TMEM117: variants seen among roughly 807,000 people sequenced by gnomAD.
TMEM117 encodes transmembrane protein 117.
A neutral mutation model predicts 52.4 loss-of-function variants in TMEM117; 27 were observed. That is an observed-to-expected ratio of 0.51 (90% CI 0.38 to 0.71). The LOEUF (loss-of-function observed/expected upper bound fraction) is 0.71, where lower values mean the gene tolerates loss of function less well. TMEM117 is among the 30% of genes least tolerant of loss of function. TMEM117 has a pLI of 0.00. For synonymous variants in TMEM117, 215 were observed against 206.3 expected (o/e 1.04, Z -0.36); for missense variants, 556 against 630.5 (o/e 0.88, Z 1.26).
At position 44,338,121 on chromosome 12, in the gene TMEM117, C is replaced by T. The variant is rs114472984; in HGVS notation, c.768+38382C>T. 6.0e-3 allele frequency among the ~76,000 whole-genome samples: 912 copies of T among 151,952 alleles called. 11 individuals are homozygous for T. Among genetic ancestry groups the T allele is most frequent in the African/African-American group, 0.02 (825 of 41,360 alleles). ...AAAGCAGAATATTTTTAAAAACAGA[C>T]CTTGACCCTCTCCACAACTGATGAA... On this transcript the variant is annotated intron_variant, in intron 6 of 7. Coordinates refer to ENST00000266534, the MANE Select transcript of TMEM117 (RefSeq NM_032256.3).
At chr12:44,123,883 T>C (rs1395730567) in intron 3 of TMEM117, among the ~76,000 whole-genome samples, 1 of 152,158 alleles carries the variant, frequency 6.6e-6, no homozygotes, top group Non-Finnish European at 1.5e-5. Flanking sequence ...TGGCTAGTCA[T>C]GATCTTTTTT....
intron 4 of TMEM117, among the ~76,000 whole-genome samples, chr12:44,202,775 C>G (rs991006664): frequency 6.7e-6 from 1 of 149,416 alleles, no homozygotes; most frequent in Non-Finnish European, 1.5e-5. Flanking sequence ...TGGTCCAGGA[C>G]TCCTTTGGAA....
chr12:44,251,563 A>AT, intron 5 of TMEM117, among the ~76,000 whole-genome samples: 1 of 152,242 alleles, frequency 6.6e-6, no homozygotes, highest in Non-Finnish European at 1.5e-5. Flanking sequence ...CTAAGGACAC[A>AT]TTTTACAGCT....
intron 3 of TMEM117, among the ~76,000 whole-genome samples, chr12:44,015,614 T>A (rs967420330): frequency 2.6e-5 from 4 of 152,162 alleles, no homozygotes; most frequent in African/African-American, 9.7e-5. Flanking sequence ...CAGGAAGTCC[T>A]CAATTACCGA....
At chr12:44,018,260 A>G (rs1364874292) in intron 3 of TMEM117, among the ~76,000 whole-genome samples, 1 of 152,248 alleles carries the variant, frequency 6.6e-6, no homozygotes, top group African/African-American at 2.4e-5. Flanking sequence ...TGCTGATTGA[A>G]TGAAAAAAGG....
intron 2 of TMEM117, among the ~76,000 whole-genome samples, chr12:43,938,769 G>A (rs746548418): frequency 3.9e-5 from 6 of 152,206 alleles, no homozygotes; most frequent in South Asian, 2.1e-4. Context: ...GAAGGCCAAG[G>A]TGGATGGATA....
chr12:44,211,448 G>C, intron 5 of TMEM117, 61 bp downstream of exon 5: 1 of 1,196,888 alleles, frequency 8.4e-7, no homozygotes, highest in East Asian at 2.4e-5. Flanking sequence ...GACTTTAGTT[G>C]GATGTAATTT....
chr12:44,379,674 T>C (rs1951993151), intron 7 of TMEM117, among the ~76,000 whole-genome samples: 1 of 152,188 alleles, frequency 6.6e-6, no homozygotes, highest in South Asian at 2.1e-4. Context: ...ATTGTTTCTG[T>C]GGAAAACTAG....
At chr12:44,198,657 G>A (rs951344330) in intron 4 of TMEM117, among the ~76,000 whole-genome samples, 2 of 152,122 alleles carry the variant, frequency 1.3e-5, no homozygotes, top group Non-Finnish European at 1.5e-5. Flanking sequence ...GGGAGAGCAT[G>A]GAGGCTCCCA....
intron 3 of TMEM117, among the ~76,000 whole-genome samples, chr12:44,116,024 A>T (rs541428079): frequency 1.3e-5 from 2 of 152,272 alleles, no homozygotes; most frequent in Middle Eastern, 3.4e-3. Flanking sequence ...TCCTTTCTTT[A>T]TATGACCCAA....
the TMEM117 span, among the ~76,000 whole-genome samples, chr12:43,796,647 T>A: frequency 6.6e-6 from 1 of 152,110 alleles, no homozygotes; most frequent in Non-Finnish European, 1.5e-5. Context: ...GATGGAAATG[T>A]CCTATAAATT....
chr12:44,067,541 A>G (rs1391791113), intron 3 of TMEM117, among the ~76,000 whole-genome samples: 1 of 152,208 alleles, frequency 6.6e-6, no homozygotes, highest in African/African-American at 2.4e-5. Flanking sequence ...TTGGGTGACC[A>G]AGATTGTCAT....
At chr12:43,832,314 A>G (rs181702800), upstream of TMEM117, among the ~76,000 whole-genome samples, 1 of 152,340 alleles carries the variant, frequency 6.6e-6, no homozygotes, top group Admixed American at 6.5e-5. Flanking sequence ...CTGACTACCT[A>G]TTACATGGCA....
chr12:43,943,401 A>G (rs1241358913), intron 2 of TMEM117, among the ~76,000 whole-genome samples: 2 of 152,126 alleles, frequency 1.3e-5, no homozygotes, highest in African/African-American at 2.4e-5. Flanking sequence ...TACTGGTGCC[A>G]TCATTTCTCT....
At chr12:43,800,429 T>C in the TMEM117 span, 1 of 1,606,118 alleles carries the variant, frequency 6.2e-7, no homozygotes, top group Non-Finnish European at 8.5e-7. Context: ...CATACAAACA[T>C]AATACCTTTA....
At chr12:44,166,683 A>T (rs957679903) in intron 4 of TMEM117, among the ~76,000 whole-genome samples, 2 of 152,176 alleles carry the variant, frequency 1.3e-5, no homozygotes, top group Non-Finnish European at 2.9e-5. Flanking sequence ...CAGGAAAATG[A>T]TTATATTTAT....
At chr12:44,058,427 T>C (rs1485709577) in intron 3 of TMEM117, among the ~76,000 whole-genome samples, 2 of 152,222 alleles carry the variant, frequency 1.3e-5, no homozygotes, top group Non-Finnish European at 2.9e-5. Flanking sequence ...TTTTCTATGC[T>C]GTGAATACCA....
intron 2 of TMEM117, among the ~76,000 whole-genome samples, chr12:43,879,775 A>G (rs4399371): frequency 1.6e-3 from 244 of 152,356 alleles, no homozygotes; most frequent in African/African-American, 5.0e-3. Context: ...CTGCCTTTGG[A>G]GTAATCTATC....
At chr12:44,339,649 T>A (rs949012650) in intron 6 of TMEM117, among the ~76,000 whole-genome samples, 1 of 152,000 alleles carries the variant, frequency 6.6e-6, no homozygotes, top group Non-Finnish European at 1.5e-5. Context: ...GTTATCTCAT[T>A]TATAAGCAAT....
Sources: allele counts gnomAD v4.1 joint callset (sites outside exome capture counted in the v4.1 genomes callset), GRCh38; gene constraint gnomAD v4.1.1; transcripts MANE v1.5; gene names NCBI Gene and HGNC (gene_info 2026-07-23, HGNC 2026-07-21).